The following ZBTB2 variants were observed in gnomAD, a reference collection of about 807,000 sequenced individuals.
ZBTB2 encodes the protein zinc finger and BTB domain-containing protein 2.
In ZBTB2, 2 loss-of-function variants were observed where a neutral mutation model predicts 39.5. That is an observed-to-expected ratio of 0.05 (90% confidence interval 0.02 to 0.16). The LOEUF (loss-of-function observed/expected upper bound fraction) is 0.16. Ranked by LOEUF, ZBTB2 falls within the 10% of genes least tolerant of loss-of-function variation. ZBTB2 has a pLI of 1.00. For missense variants in ZBTB2, 391 were observed against 653.0 expected, an observed-to-expected ratio of 0.60 and a Z score of 4.37; for synonymous variants, 251 against 256.6, an observed-to-expected ratio of 0.98 and a Z score of 0.21.
At position 151,366,945 on chromosome 6, in the gene ZBTB2, C is replaced by G; in HGVS notation, c.174-53G>C. 2 of 1,510,988 alleles carry G rather than the reference C, an allele frequency of 1.3e-6. No homozygotes were observed. Among genetic ancestry groups the G allele is most frequent in the Non-Finnish European group, 1.8e-6 (2 of 1,131,442 alleles). 93.6% of individuals were successfully genotyped at this position (1,510,988 alleles called of 1,614,324 possible). On this transcript the variant is annotated intron_variant, in intron 2 of 2. Transcript: ENST00000325144. The surrounding 1 kb of genome is among the most constrained non-coding windows in gnomAD (Gnocchi z 7.1). Reference sequence around the variant, plus strand: ...GAGTAAATGCCAGTCTAGGTGTTAACATAAAGCCTGAAGAAAAAAATGAAT... The same window carrying G: ...GAGTAAATGCCAGTCTAGGTGTTAAGATAAAGCCTGAAGAAAAAAATGAAT...
chr6:151,373,602 T>A lies in ZBTB2; in HGVS notation c.36A>T (p.Gln12His). ...DLANHGLILLQQLNAQREFGF... is the reference protein window; with the variant it reads ...DLANHGLILLHQLNAQREFGF... Reference sequence around the variant, plus strand: ...CAAACTCTCGCTGAGCGTTTAACTGTTGCAGTAGAATAAGTCCATGGTTGG... The same window carrying A: ...CAAACTCTCGCTGAGCGTTTAACTGATGCAGTAGAATAAGTCCATGGTTGG... Residue 12 changes from glutamine to histidine, a missense_variant, in exon 2 of 3, where the codon CAA (glutamine) becomes CAT (histidine). By Grantham distance (24) the Gln-to-His change is conservative. Coordinates refer to ENST00000325144, the MANE Select transcript of ZBTB2 (RefSeq NM_020861.3). 6 of 1,614,138 alleles carry A rather than the reference T, an allele frequency of 3.7e-6. No homozygotes were observed. Among genetic ancestry groups the A allele is most frequent in the Non-Finnish European group, 5.1e-6 (6 of 1,180,018 alleles).
intron 1 of ZBTB2, among the ~76,000 whole-genome samples, chr6:151,390,136 G>A (rs955317584): frequency 6.6e-5 from 10 of 152,044 alleles, no homozygotes; most frequent in African/African-American, 2.4e-4. Flanking sequence ...GGCGGAAGCT[G>A]GAGGCCGCCG....
At chr6:151,390,429 C>T (rs1024881952) in intron 1 of ZBTB2, among the ~76,000 whole-genome samples, 3 of 150,482 alleles carry the variant, frequency 2.0e-5, no homozygotes, top group Non-Finnish European at 4.5e-5. Context: ...CGCCGCTTCC[C>T]TCAGTCCCGC....
intron 1 of ZBTB2, 105 bp from the exon 2 acceptor site, chr6:151,373,754 AACG>A: frequency 1.9e-6 from 2 of 1,075,022 alleles, no homozygotes; most frequent in Non-Finnish European, 2.6e-6. Flanking sequence ...CATCATAGCT[AACG>A]TGTCAGGCAC....
intron 1 of ZBTB2, among the ~76,000 whole-genome samples, chr6:151,386,027 T>C (rs1779142299): frequency 6.6e-6 from 1 of 152,180 alleles, no homozygotes; most frequent in Non-Finnish European, 1.5e-5. Flanking sequence ...AATACTCCTG[T>C]TTTCAATTAT....
At chr6:151,385,829 T>C (rs1436259785) in intron 1 of ZBTB2, among the ~76,000 whole-genome samples, 1 of 152,224 alleles carries the variant, frequency 6.6e-6, no homozygotes, top group East Asian at 1.9e-4. Context: ...ACCTGAAGGC[T>C]GGTCATTTGA....
At chr6:151,379,247 G>A (rs1310424135) in intron 1 of ZBTB2, among the ~76,000 whole-genome samples, 3 of 152,068 alleles carry the variant, frequency 2.0e-5, no homozygotes, top group African/African-American at 7.2e-5. Context: ...TAATAATGAA[G>A]TAAAGCTTAT....
At chr6:151,374,930 TA>T (rs71556221) in intron 1 of ZBTB2, among the ~76,000 whole-genome samples, 4,619 of 63,868 alleles carry the variant, frequency 0.072, 257 homozygotes, top group African/African-American at 0.24. Context: ...CCGTCTCTAC[TA>T]AAAAAAAAAA....
Position 151,366,231 on chromosome 6 carries a change from C to T in ZBTB2, c.835G>A (p.Val279Ile). 1 of 1,614,144 alleles carries T rather than the reference C, an allele frequency of 6.2e-7. No homozygotes were observed. The highest frequency in any genetic ancestry group is 2.2e-5 in the East Asian group (1 of 44,860). ...CCCTGTTGGCTAGATGTGAAAGGTA[C>T]TCCTGTGTGGATCTGGAGGTGTTCA... The part of the protein sequence containing the change: ...LREHLQIHTG[V>I]PFTSSQQGES... Residue 279 changes from valine (V) to isoleucine (I), a missense_variant, in exon 3 of 3, where the codon GTA becomes ATA. Val to Ile is a conservative substitution (Grantham distance 29). Coordinates refer to ENST00000325144, the MANE Select transcript of ZBTB2 (RefSeq NM_020861.3). The surrounding 1 kb of genome is among the most constrained non-coding windows in gnomAD (Gnocchi z 7.1).
intron 1 of ZBTB2, among the ~76,000 whole-genome samples, chr6:151,390,222 G>A (rs1006192552): frequency 1.3e-5 from 2 of 151,588 alleles, no homozygotes; most frequent in African/African-American, 2.4e-5. Flanking sequence ...CGGCGCCACA[G>A]AGGCCGACGC....
intron 2 of ZBTB2, among the ~76,000 whole-genome samples, chr6:151,372,861 T>C (rs1319756760): frequency 6.6e-6 from 1 of 151,936 alleles, no homozygotes; most frequent in Non-Finnish European, 1.5e-5. Flanking sequence ...GGCTTTATAA[T>C]GGACCTGATC....
chr6:151,385,110 A>G (rs73625346), intron 1 of ZBTB2, among the ~76,000 whole-genome samples: 2,758 of 152,306 alleles, frequency 0.018, 75 homozygotes, highest in African/African-American at 0.063. Context: ...GCTGAGAGGA[A>G]CTGAAGAAAA....
At chr6:151,388,377 G>C (rs1779208694) in intron 1 of ZBTB2, among the ~76,000 whole-genome samples, 2 of 152,206 alleles carry the variant, frequency 1.3e-5, no homozygotes, top group South Asian at 2.1e-4. Flanking sequence ...TAAAGCTGCT[G>C]ATCCCAGGCC....
chr6:151,375,113 C>G, intron 1 of ZBTB2, among the ~76,000 whole-genome samples: 1 of 151,780 alleles, frequency 6.6e-6, no homozygotes, highest in Non-Finnish European at 1.5e-5. Flanking sequence ...CAGCGAGACT[C>G]CATCTCAAAA....
At chr6:151,373,744 C>T in intron 1 of ZBTB2, 95 bp from the exon 2 acceptor site, 1 of 1,089,400 alleles carries the variant, frequency 9.2e-7, no homozygotes, top group South Asian at 1.6e-5. Flanking sequence ...GCTAACATGT[C>T]ATCATAGCTA....
At chr6:151,368,888 A>AAGT (rs113123746) in intron 2 of ZBTB2, among the ~76,000 whole-genome samples, 15,191 of 149,902 alleles carry the variant, frequency 0.1, 1,336 homozygotes, top group African/African-American at 0.24. Flanking sequence ...TTCGCCTCCC[A>AAGT]AGTTGGGATT....
intron 1 of ZBTB2, among the ~76,000 whole-genome samples, chr6:151,387,382 C>A (rs959571484): frequency 1.3e-5 from 2 of 151,254 alleles, no homozygotes; most frequent in African/African-American, 2.4e-5. Context: ...GTCAACACAG[C>A]GGAAAAGGCC....
intron 1 of ZBTB2, among the ~76,000 whole-genome samples, chr6:151,391,022 C>A (rs1269515596): frequency 1.4e-5 from 2 of 143,350 alleles, no homozygotes; most frequent in Non-Finnish European, 3.1e-5. Context: ...TTCCTCCCTC[C>A]CACCCTCCCT....
chr6:151,379,851 T>C (rs1448891094), intron 1 of ZBTB2, among the ~76,000 whole-genome samples: 3 of 152,100 alleles, frequency 2.0e-5, no homozygotes, highest in African/African-American at 7.2e-5. Context: ...TTTACATGAA[T>C]GGGTGTATAT....
Sources: allele counts gnomAD v4.1 joint callset (sites outside exome capture counted in the v4.1 genomes callset), GRCh38; gene constraint gnomAD v4.1.1; non-coding constraint Gnocchi (gnomAD v3.1); transcripts MANE v1.5; gene names NCBI Gene and HGNC (gene_info 2026-07-23, HGNC 2026-07-21).